Variants in LUZP2 observed in about 807,000 individuals in gnomAD.
LUZP2 encodes the protein leucine zipper protein 2.
A neutral mutation model predicts 51.6 loss-of-function variants in LUZP2; 52 were observed. The ratio of observed to expected loss-of-function variants is 1.01; its 90% CI spans 0.81 to 1.27. The LOEUF is 1.27. Ranked by LOEUF, LUZP2 falls within the 50% of genes most tolerant of loss-of-function variation. The pLI is 0.00. For synonymous variants in LUZP2, 154 were observed against 137.3 expected (o/e 1.12, Z -0.85); for missense variants, 436 against 395.4 (o/e 1.10, Z -0.87).
intron 7 of LUZP2, among the ~76,000 whole-genome samples, chr11:24,924,631 A>G (rs1415321653): frequency 5.9e-5 from 9 of 152,332 alleles, no homozygotes; most frequent in East Asian, 3.9e-4. Flanking sequence ...TACCTGTGAC[A>G]CAGCCTTAGA....
intron 5 of LUZP2, among the ~76,000 whole-genome samples, chr11:24,888,558 G>A (rs769907920): frequency 6.6e-6 from 1 of 152,070 alleles, no homozygotes; most frequent in Non-Finnish European, 1.5e-5. Context: ...TTACCACACA[G>A]GAGTGGGAAA....
At chr11:25,076,468 CTA>C (rs1352101823) in intron 10 of LUZP2, among the ~76,000 whole-genome samples, 1 of 149,694 alleles carries the variant, frequency 6.7e-6, no homozygotes, top group African/African-American at 2.5e-5. Context: ...TAATTTAAAA[CTA>C]TGTATATGAT....
At chr11:24,618,715 C>T (rs545199071) in intron 1 of LUZP2, among the ~76,000 whole-genome samples, 1 of 152,252 alleles carries the variant, frequency 6.6e-6, no homozygotes, top group South Asian at 2.1e-4. Context: ...GTCTGCTTTC[C>T]TCCCTTCACC....
chr11:24,710,622 C>T (rs1200672658), intron 1 of LUZP2, among the ~76,000 whole-genome samples: 2 of 152,158 alleles, frequency 1.3e-5, no homozygotes, highest in African/African-American at 4.8e-5. Context: ...AGCAGCCTAG[C>T]CACAATTTCT....
chr11:24,749,969 C>T (rs1053817816), intron 4 of LUZP2, among the ~76,000 whole-genome samples: 2 of 152,136 alleles, frequency 1.3e-5, no homozygotes, highest in African/African-American at 4.8e-5. Context: ...CCAATTCTCC[C>T]TAATAAACTC....
intron 4 of LUZP2, among the ~76,000 whole-genome samples, chr11:24,749,983 T>G (rs1859520121): frequency 6.6e-6 from 1 of 152,162 alleles, no homozygotes; most frequent in Non-Finnish European, 1.5e-5. Flanking sequence ...TAAACTCCCT[T>G]TCATATATAC....
chr11:24,702,620 T>C (rs1857450670), intron 1 of LUZP2, among the ~76,000 whole-genome samples: 1 of 152,098 alleles, frequency 6.6e-6, no homozygotes, highest in South Asian at 2.1e-4. Context: ...AGGAACTAAA[T>C]GAGTGAGGCC....
intron 1 of LUZP2, among the ~76,000 whole-genome samples, chr11:24,677,205 C>T (rs537186450): frequency 1.3e-5 from 2 of 152,324 alleles, no homozygotes; most frequent in South Asian, 4.1e-4. Context: ...CCTCATGCTT[C>T]CATTCTATTT....
chr11:24,844,561 C>G (rs1851139820), intron 5 of LUZP2, among the ~76,000 whole-genome samples: 1 of 152,112 alleles, frequency 6.6e-6, no homozygotes, highest in Admixed American at 6.5e-5. Flanking sequence ...TAACAGGCAG[C>G]CAAATGTTAA....
At chr11:24,525,342 A>G (rs1237591360) in intron 1 of LUZP2, among the ~76,000 whole-genome samples, 3 of 151,608 alleles carry the variant, frequency 2.0e-5, no homozygotes, top group Admixed American at 6.6e-5. Flanking sequence ...ACATAATCCT[A>G]GAAGGTATGT....
At chr11:24,686,263 T>C (rs892739365) in intron 1 of LUZP2, among the ~76,000 whole-genome samples, 3 of 152,150 alleles carry the variant, frequency 2.0e-5, no homozygotes, top group African/African-American at 7.2e-5. Context: ...CTTTATCATT[T>C]GTAGTGGATT....
chr11:24,765,868 C>T (rs914174449), intron 5 of LUZP2, among the ~76,000 whole-genome samples: 4 of 152,000 alleles, frequency 2.6e-5, no homozygotes, highest in East Asian at 1.9e-4. Context: ...CCTGGTGATC[C>T]GCCTGCCTAG....
rs748756868 is a variant in LUZP2, at chr11:24,732,113, A to T, written c.181-5A>T. The T allele has an allele frequency of 6.2e-7, 1 of 1,603,464 alleles. No homozygotes were observed. The highest frequency in any genetic ancestry group is 8.5e-7 in the Non-Finnish European group (1 of 1,173,696). ...AAAACTTCATTTTTCCACTTTTCTT[A>T]TCAGTCCTTAAAAAACGATGAGCAG... On this transcript the variant is annotated splice_region_variant and splice_polypyrimidine_tract_variant and intron_variant, in intron 2 of 11. Coordinates refer to ENST00000336930, the MANE Select transcript of LUZP2 (RefSeq NM_001009909.4).
chr11:24,541,393 G>T (rs932441438), intron 1 of LUZP2, among the ~76,000 whole-genome samples: 1 of 151,924 alleles, frequency 6.6e-6, no homozygotes, highest in African/African-American at 2.4e-5. Flanking sequence ...ACATAATTTG[G>T]CACTGTGTCC....
At chr11:24,835,852 G>GTTTA (rs1326353656) in intron 5 of LUZP2, among the ~76,000 whole-genome samples, 1 of 151,820 alleles carries the variant, frequency 6.6e-6, no homozygotes, top group Non-Finnish European at 1.5e-5. Flanking sequence ...GTTTGTTAAT[G>GTTTA]TTTATTTCTT....
chr11:24,670,523 T>C (rs1342214767), intron 1 of LUZP2, among the ~76,000 whole-genome samples: 1 of 152,048 alleles, frequency 6.6e-6, no homozygotes, highest in African/African-American at 2.4e-5. Context: ...TTTAGTTGCA[T>C]TTATATCACC....
intron 5 of LUZP2, among the ~76,000 whole-genome samples, chr11:24,890,113 G>T (rs551289080): frequency 8.6e-5 from 13 of 152,030 alleles, no homozygotes; most frequent in African/African-American, 3.1e-4. Flanking sequence ...CATGATATAC[G>T]AATTTCCCTC....
chr11:24,647,882 G>C (rs988573081), intron 1 of LUZP2, among the ~76,000 whole-genome samples: 10 of 151,594 alleles, frequency 6.6e-5, no homozygotes, highest in African/African-American at 2.4e-4. Flanking sequence ...GTATTCAAGA[G>C]CTATATAGTA....
At chr11:25,004,246 G>A (rs1200390425) in intron 9 of LUZP2, among the ~76,000 whole-genome samples, 5 of 152,278 alleles carry the variant, frequency 3.3e-5, no homozygotes, top group South Asian at 4.1e-4. Flanking sequence ...GGACATGGAC[G>A]AGGGGGTGGC....
Sources: gnomAD v4.1 joint callset for allele counts (sites outside exome capture counted in the v4.1 genomes callset) on GRCh38, gnomAD v4.1.1 for gene constraint, MANE v1.5 for transcripts, NCBI Gene and HGNC (gene_info 2026-07-23, HGNC 2026-07-21) for gene names.